Variants in CALN1 observed in about 807,000 individuals in gnomAD.
The protein encoded by CALN1 is calcium-binding protein 8.
CALN1 carries 17 observed loss-of-function variants against 30.6 expected under a neutral mutation model. The ratio of observed to expected loss-of-function variants is 0.56; its 90% CI spans 0.38 to 0.83. CALN1 has a LOEUF of 0.83. CALN1 is among the 40% of genes least tolerant of loss of function. The pLI is 0.00. For synonymous variants in CALN1, 156 were observed against 131.4 expected, an observed-to-expected ratio of 1.19 and a Z score of -1.28; for missense variants, 291 against 354.9, an observed-to-expected ratio of 0.82 and a Z score of 1.45.
intron 5 of CALN1, among the ~76,000 whole-genome samples, chr7:71,910,961 T>C (rs1474293572): frequency 6.6e-6 from 1 of 152,182 alleles, no homozygotes; most frequent in Non-Finnish European, 1.5e-5. Flanking sequence ...TGCTAGGTGC[T>C]CTGAGATATA....
At chr7:72,194,413 C>A (rs185245954) in intron 3 of CALN1, among the ~76,000 whole-genome samples, 185 of 152,090 alleles carry the variant, frequency 1.2e-3, no homozygotes, top group African/African-American at 4.2e-3. Context: ...GCGTGTAATC[C>A]CAGCTACTCG....
chr7:72,180,246 A>T (rs1273026384), intron 3 of CALN1, among the ~76,000 whole-genome samples: 1 of 152,280 alleles, frequency 6.6e-6, no homozygotes, highest in Admixed American at 6.5e-5. Flanking sequence ...CATGAAGACA[A>T]CTTCATATGG....
At chr7:72,427,254 G>A (rs1445598353) in intron 1 of CALN1, among the ~76,000 whole-genome samples, 1 of 152,120 alleles carries the variant, frequency 6.6e-6, no homozygotes, top group African/African-American at 2.4e-5. Flanking sequence ...GGGATTACAG[G>A]TGTGAGCCAC....
At chr7:71,792,391 C>G (rs1414197179) in intron 6 of CALN1, among the ~76,000 whole-genome samples, 1 of 152,112 alleles carries the variant, frequency 6.6e-6, no homozygotes, top group East Asian at 1.9e-4. Flanking sequence ...ATCTTTATTC[C>G]TTCTGAATCC....
chr7:72,423,839 A>G (rs1433867385), intron 1 of CALN1, among the ~76,000 whole-genome samples: 1 of 151,508 alleles, frequency 6.6e-6, no homozygotes, highest in Non-Finnish European at 1.5e-5. Context: ...GAGAGAGACA[A>G]AGAAATAAAG....
intron 3 of CALN1, among the ~76,000 whole-genome samples, chr7:72,246,023 TTTC>T (rs1399595630): frequency 6.6e-6 from 1 of 152,228 alleles, no homozygotes; most frequent in Non-Finnish European, 1.5e-5. Flanking sequence ...CCCAGCCTCC[TTTC>T]TTTTCTCCCT....
chr7:72,088,972 C>T (rs941534905), intron 4 of CALN1, among the ~76,000 whole-genome samples: 1 of 151,600 alleles, frequency 6.6e-6, no homozygotes, highest in East Asian at 1.9e-4. Context: ...TATGTCAGAA[C>T]AAATATATAT....
chr7:72,051,576 G>A (rs1182426283), intron 4 of CALN1, among the ~76,000 whole-genome samples: 2 of 152,112 alleles, frequency 1.3e-5, no homozygotes, highest in African/African-American at 4.8e-5. Context: ...TGAAGAAAAA[G>A]TGGAAAAGCT....
At chr7:71,960,509 A>T (rs531228630) in intron 5 of CALN1, among the ~76,000 whole-genome samples, 1 of 152,294 alleles carries the variant, frequency 6.6e-6, no homozygotes, top group South Asian at 2.1e-4. Flanking sequence ...TAATGATTGC[A>T]TTCTTTTTTA....
chr7:72,110,476 G>A (rs770020037), intron 3 of CALN1, among the ~76,000 whole-genome samples: 7 of 152,204 alleles, frequency 4.6e-5, no homozygotes, highest in East Asian at 1.9e-4. Context: ...CCAGGACAGC[G>A]CAGGCCACAC....
At chr7:71,969,571 C>T (rs978387077) in intron 5 of CALN1, among the ~76,000 whole-genome samples, 4 of 152,128 alleles carry the variant, frequency 2.6e-5, no homozygotes, top group Non-Finnish European at 5.9e-5. Flanking sequence ...GCAGAATCTA[C>T]CATGCTTTAT....
At chr7:72,347,256 CTTTT>C (rs909117302) in intron 2 of CALN1, among the ~76,000 whole-genome samples, 1 of 141,490 alleles carries the variant, frequency 7.1e-6, no homozygotes, top group Non-Finnish European at 1.5e-5. Flanking sequence ...TTCCTTTTTT[CTTTT>C]TTTTGAGACG....
chr7:72,120,269 T>C lies in CALN1; in HGVS notation c.245-13975A>G, dbSNP rs140356774. Among the ~76,000 whole-genome samples the C allele has an allele frequency of 1.7e-4, 26 of 152,336 alleles. No homozygotes were observed. In the East Asian group the frequency reaches 4.8e-3, roughly 28 times the overall value. On this transcript the variant is annotated intron_variant, in intron 3 of 6. Transcript: ENST00000395275. ...ACATTTCATTCCATACTTTTTAATA[T>C]GCAAATGTTCTTAATTCAACTAGGA...
intron 3 of CALN1, among the ~76,000 whole-genome samples, chr7:72,211,416 AG>A: frequency 6.6e-6 from 1 of 152,168 alleles, no homozygotes; most frequent in Admixed American, 6.6e-5. Context: ...TCTCAGATGG[AG>A]CTCCATTTTG....
At chr7:72,240,419 T>A (rs1794751570) in intron 3 of CALN1, among the ~76,000 whole-genome samples, 1 of 152,106 alleles carries the variant, frequency 6.6e-6, no homozygotes, top group Admixed American at 6.6e-5. Flanking sequence ...GATCTTGAAC[T>A]CCTGACCTCA....
At chr7:72,282,751 G>A (rs1444355501) in intron 2 of CALN1, among the ~76,000 whole-genome samples, 1 of 152,170 alleles carries the variant, frequency 6.6e-6, no homozygotes, top group African/African-American at 2.4e-5. Context: ...CTAAAGCAGA[G>A]TGGTTTCATG....
chr7:72,398,481 C>T (rs146533667), intron 2 of CALN1, among the ~76,000 whole-genome samples: 1 of 152,350 alleles, frequency 6.6e-6, no homozygotes, highest in African/African-American at 2.4e-5. Context: ...CAATAGTGCA[C>T]ATCCACTTCT....
At chr7:72,141,083 G>A (rs1414759831) in intron 3 of CALN1, among the ~76,000 whole-genome samples, 1 of 152,194 alleles carries the variant, frequency 6.6e-6, no homozygotes, top group African/African-American at 2.4e-5. Flanking sequence ...CAAGGCCAAG[G>A]TCACTGGCTC....
chr7:72,324,944 T>G (rs1801165536), intron 2 of CALN1, among the ~76,000 whole-genome samples: 1 of 152,132 alleles, frequency 6.6e-6, no homozygotes, highest in Non-Finnish European at 1.5e-5. Context: ...GTGCTGGGTT[T>G]TTGGAAGCTC....
Sources: gnomAD v4.1 joint callset for allele counts (sites outside exome capture counted in the v4.1 genomes callset) on GRCh38, gnomAD v4.1.1 for gene constraint, MANE v1.5 for transcripts, NCBI Gene and HGNC (gene_info 2026-07-23, HGNC 2026-07-21) for gene names.